ASTN1: variants seen among roughly 807,000 people sequenced by gnomAD.
ASTN1 encodes the protein astrotactin 1.
A neutral mutation model predicts 140.7 loss-of-function variants in ASTN1; 41 were observed. That is an observed-to-expected ratio of 0.29 (90% CI 0.23 to 0.38). The LOEUF is 0.38. Ranked by LOEUF, ASTN1 falls within the 10% of genes least tolerant of loss-of-function variation. The pLI is 1.00. For missense variants in ASTN1, 1,479 were observed against 1,678.8 expected, an observed-to-expected ratio of 0.88 and a Z score of 2.08; for synonymous variants, 640 against 652.2, an observed-to-expected ratio of 0.98 and a Z score of 0.29.
chr1:177,080,098 C>T (rs7547108), intron 1 of ASTN1, among the ~76,000 whole-genome samples: 69,138 of 151,666 alleles, frequency 0.46, 17,192 homozygotes, highest in Non-Finnish European at 0.57. Context: ...GTGTTTAATG[C>T]TTAAGCAACA....
intron 1 of ASTN1, among the ~76,000 whole-genome samples, chr1:177,096,664 G>A (rs963552014): frequency 1.3e-5 from 2 of 152,050 alleles, no homozygotes; most frequent in Non-Finnish European, 2.9e-5. Context: ...TGAGATCTGT[G>A]GTTTTGTAAA....
chr1:176,881,854 C>T (rs1338976851), intron 20 of ASTN1, among the ~76,000 whole-genome samples: 1 of 152,208 alleles, frequency 6.6e-6, no homozygotes, highest in Non-Finnish European at 1.5e-5. Context: ...ATTTCTAGTG[C>T]TTTTCATCTC....
chr1:177,014,589 G>C (rs919230289), intron 8 of ASTN1, among the ~76,000 whole-genome samples: 5 of 152,194 alleles, frequency 3.3e-5, no homozygotes, highest in Non-Finnish European at 7.3e-5. Flanking sequence ...CGAGTCAGAG[G>C]CTCGTAAATG....
intron 8 of ASTN1, among the ~76,000 whole-genome samples, chr1:177,008,647 G>C (rs959590553): frequency 1.3e-5 from 2 of 150,990 alleles, no homozygotes; most frequent in Non-Finnish European, 3.0e-5. Flanking sequence ...GGAGGAAGAG[G>C]AGAAGGAGGA....
At chr1:177,101,928 A>T (rs1160571252) in intron 1 of ASTN1, among the ~76,000 whole-genome samples, 1 of 152,162 alleles carries the variant, frequency 6.6e-6, no homozygotes, top group Non-Finnish European at 1.5e-5. Flanking sequence ...GAGCCAAGGC[A>T]CTCACTTCTT....
chr1:176,958,588 C>T (rs1672520376), intron 9 of ASTN1, 106 bp from the exon 10 acceptor site: 3 of 1,384,178 alleles, frequency 2.2e-6, no homozygotes, highest in Non-Finnish European at 2.8e-6. Context: ...CCTTTGTAGT[C>T]CTTTTCAGAA....
chr1:177,023,835 T>C lies in ASTN1; in HGVS notation c.1271-264A>G, dbSNP rs193249795. Among the ~76,000 whole-genome samples the C allele has an allele frequency of 1.9e-3, 291 of 151,918 alleles. 1 individual carries two copies. The highest frequency in any genetic ancestry group is 3.4e-3 in the Non-Finnish European group (231 of 67,972). On this transcript the variant is annotated intron_variant, in intron 6 of 22. Coordinates refer to ENST00000361833, the MANE Select transcript of ASTN1 (RefSeq NM_004319.3). ...TGCTCCATTCCGTCTTTCCAGGGAGTTCCTAAGGAACACAGGGACAGAGGA... is the reference window on the plus strand; with the variant it reads ...TGCTCCATTCCGTCTTTCCAGGGAGCTCCTAAGGAACACAGGGACAGAGGA...
chr1:176,888,287 C>T, intron 17 of ASTN1, 83 bp from the exon 18 acceptor site: 1 of 1,500,834 alleles, frequency 6.7e-7, no homozygotes, highest in South Asian at 1.2e-5. Flanking sequence ...TGTCAAGGAT[C>T]TGCATGGCCC....
In ASTN1 at chr1:176,882,895, A is replaced by G; in HGVS notation, c.3326T>C (p.Leu1109Pro). Reference sequence around the variant, plus strand: ...GTCAGGTTCCAGGCATCGTATGATCAGAGAGATGGTGGTGAGCTGCTTGTC... The same window carrying G: ...GTCAGGTTCCAGGCATCGTATGATCGGAGAGATGGTGGTGAGCTGCTTGTC... Reference protein sequence around the residue: ...VPDKQLTTISLIIRCLEPDTI... With the variant: ...VPDKQLTTISPIIRCLEPDTI... Residue 1109 changes from leucine (L) to proline (P), a missense_variant, in exon 20 of 23, where the codon CTG becomes CCG. This residue lies in a region of ASTN1 where 746 missense variants were observed against 800.9 expected (regional missense o/e 0.93). Coordinates refer to ENST00000361833, the MANE Select transcript of ASTN1 (RefSeq NM_004319.3). The G allele has an allele frequency of 3.1e-6, 5 of 1,614,158 alleles. No homozygotes were observed. Among genetic ancestry groups the G allele is most frequent in the Non-Finnish European group, 4.2e-6 (5 of 1,180,018 alleles).
chr1:176,894,900 C>T (rs1259028625), intron 16 of ASTN1, 70 bp from the exon 17 acceptor site: 2 of 1,587,152 alleles, frequency 1.3e-6, no homozygotes, highest in Non-Finnish European at 1.7e-6. Context: ...CCTCGTGGCC[C>T]CTGAGTGCTG....
chr1:176,936,963 C>T (rs982182059), intron 14 of ASTN1, among the ~76,000 whole-genome samples: 5 of 152,140 alleles, frequency 3.3e-5, no homozygotes, highest in African/African-American at 1.2e-4. Flanking sequence ...GTTGTGAGAA[C>T]AAATAAAATT....
intron 5 of ASTN1, 141 bp from the exon 6 acceptor site, chr1:177,024,873 A>C (rs1676030298): frequency 1.1e-6 from 1 of 946,070 alleles, no homozygotes. Flanking sequence ...CTCTGGCTGC[A>C]TGACCTCAGT....
intron 1 of ASTN1, among the ~76,000 whole-genome samples, chr1:177,084,193 T>C (rs1426488470): frequency 6.6e-6 from 1 of 152,128 alleles, no homozygotes; most frequent in Non-Finnish European, 1.5e-5. Flanking sequence ...CAAAACTCCA[T>C]CATGGAGTGA....
intron 17 of ASTN1, among the ~76,000 whole-genome samples, chr1:176,891,850 T>TA (rs201634000): frequency 5.5e-4 from 83 of 150,846 alleles, no homozygotes; most frequent in African/African-American, 1.2e-3. Flanking sequence ...ACAACAACAA[T>TA]AAAAAAAACA....
At chr1:176,944,232 A>T (rs1018089624) in intron 13 of ASTN1, among the ~76,000 whole-genome samples, 1 of 152,038 alleles carries the variant, frequency 6.6e-6, no homozygotes, top group Non-Finnish European at 1.5e-5. Flanking sequence ...ATGTGCCACC[A>T]CGCCCGGCTA....
chr1:176,955,942 G>A (rs765324943), intron 11 of ASTN1, among the ~76,000 whole-genome samples: 2 of 152,210 alleles, frequency 1.3e-5, no homozygotes, highest in Admixed American at 6.5e-5. Context: ...GAAATGAAAG[G>A]CTCAAATCTG....
rs1558018822 is a variant in ASTN1, at chr1:176,996,306, C to CAG, written c.1523+18484_1523+18485insCT. On this transcript the variant is annotated intron_variant, in intron 8 of 22. Coordinates refer to ENST00000361833, the MANE Select transcript of ASTN1 (RefSeq NM_004319.3). The stretch of plus-strand genomic sequence containing the variant: ...TCTCTCTCTCACACACACACACACA[C>CAG]ACACAGAGAGAGAGAGAGAGACAGA... Among the ~76,000 whole-genome samples the CAG allele has an allele frequency of 4.3e-5, 6 of 139,836 alleles. No individual in the cohort carries two copies. The South Asian group carries it at 6.8e-4, about 16-fold the overall frequency. 91.7% of individuals were successfully genotyped at this position (139,836 alleles called of 152,430 possible).
At chr1:176,857,671 G>A (rs778456725), downstream of ASTN1, 47 of 583,210 alleles carry the variant, frequency 8.1e-5, no homozygotes, top group Non-Finnish European at 1.4e-4. Context: ...AGGAGTGTGG[G>A]AAAAGTTTCA....
intron 6 of ASTN1, among the ~76,000 whole-genome samples, chr1:177,024,264 G>T (rs1391027420): frequency 1.3e-5 from 2 of 152,192 alleles, no homozygotes; most frequent in African/African-American, 4.8e-5. Context: ...CCTTTTCAAA[G>T]GCTAAGGGAG....
Sources: allele counts gnomAD v4.1 joint callset (sites outside exome capture counted in the v4.1 genomes callset), GRCh38; gene constraint gnomAD v4.1.1; regional missense constraint gnomAD v4.1.1; transcripts MANE v1.5; gene names NCBI Gene and HGNC (gene_info 2026-07-23, HGNC 2026-07-21).